The following MACF1 variants were observed in gnomAD, a reference collection of about 807,000 sequenced individuals.
MACF1 encodes the protein microtubule actin crosslinking factor 1.
MACF1 carries 193 observed loss-of-function variants against 854.8 expected under a neutral mutation model. The ratio of observed to expected loss-of-function variants is 0.23; its 90% CI spans 0.20 to 0.25. The LOEUF (loss-of-function observed/expected upper bound fraction) is 0.25, where lower values mean the gene tolerates loss of function less well. Among genes scored for constraint, MACF1 ranks in the 10% least tolerant of loss-of-function variants. The probability of loss-of-function intolerance (pLI) is 1.00; values close to 1 mark genes in which losing one functional copy is unlikely to be tolerated. For missense variants in MACF1, 7,722 were observed against 8,929.1 expected, an observed-to-expected ratio of 0.86 and a Z score of 5.45; for synonymous variants, 3,185 against 3,226.7, an observed-to-expected ratio of 0.99 and a Z score of 0.44.
At chr1:39,421,559 A>G (rs1406219359) in intron 58 of MACF1, among the ~76,000 whole-genome samples, 1 of 152,168 alleles carries the variant, frequency 6.6e-6, no homozygotes, top group African/African-American at 2.4e-5. Context: ...CATTTTTCAC[A>G]CTGTTAATAT....
At chr1:39,347,924 A>G (rs966056069) in intron 41 of MACF1, among the ~76,000 whole-genome samples, 3 of 152,176 alleles carry the variant, frequency 2.0e-5, no homozygotes, top group Non-Finnish European at 4.4e-5. Context: ...TCAACTCAAC[A>G]TAATTACATT....
intron 2 of MACF1, among the ~76,000 whole-genome samples, chr1:39,194,700 T>TC (rs1644299720): frequency 1.4e-4 from 5 of 35,778 alleles, no homozygotes; most frequent in East Asian, 9.2e-4. Context: ...TCCCCTCCCC[T>TC]CCCTTCCCTT....
chr1:39,416,692 A>T (rs893692961), intron 58 of MACF1, among the ~76,000 whole-genome samples: 9 of 152,186 alleles, frequency 5.9e-5, no homozygotes, highest in Admixed American at 5.2e-4. Flanking sequence ...CTATCCTTCC[A>T]GCTACAGGAG....
chr1:39,337,108 A>C, intron 37 of MACF1, 74 bp from the exon 38 acceptor site: 1 of 1,462,524 alleles, frequency 6.8e-7, no homozygotes, highest in Non-Finnish European at 9.2e-7. Context: ...TGTCTAACAA[A>C]AACCCCTGCC....
At chr1:39,321,874 T>A (rs780277280) in intron 31 of MACF1, among the ~76,000 whole-genome samples, 1 of 152,204 alleles carries the variant, frequency 6.6e-6, no homozygotes, top group Non-Finnish European at 1.5e-5. Context: ...AGAAGAGTGA[T>A]GTGGTCATCT....
At chr1:39,162,317 AATAG>A (rs1643816802) in intron 2 of MACF1, among the ~76,000 whole-genome samples, 2 of 152,108 alleles carry the variant, frequency 1.3e-5, no homozygotes, top group African/African-American at 4.8e-5. Context: ...CGCTTAAGTA[AATAG>A]ATAGATTAAA....
At chr1:39,413,096 G>T (rs1227140251) in intron 58 of MACF1, 4 of 1,605,396 alleles carry the variant, frequency 2.5e-6, no homozygotes, top group South Asian at 2.2e-5. Flanking sequence ...ACACAGGAGG[G>T]TATGTCAGCT....
At chr1:39,388,872 CTTTTTTTTTTTTTTT>C (rs548104092) in intron 58 of MACF1, among the ~76,000 whole-genome samples, 1 of 87,242 alleles carries the variant, frequency 1.1e-5, no homozygotes, top group Non-Finnish European at 2.1e-5. Flanking sequence ...TCTTCTTCTT[CTTTTTTTTTTTTTTT>C]TTTTTTTTTG....
chr1:39,331,190 TTTTTTTTTTTAG>T lies in MACF1; in HGVS notation c.4615-12_4615-1del. 1 of 1,141,776 alleles carries T rather than the reference TTTTTTTTTTTAG, an allele frequency of 8.8e-7. No homozygotes were observed. Among genetic ancestry groups the T allele is most frequent in the South Asian group, 2.3e-5 (1 of 43,568 alleles). 70.7% of individuals were successfully genotyped at this position (1,141,776 alleles called of 1,614,324 possible). A position where few individuals can be genotyped will look rare whatever the true frequency, so the allele number is the denominator to read the frequency against. ...TCTTTTCCTTTTTTTTTTTTTTTTTTTTTTTTTTTTAGGAATGCAGAGCAGTTGCTGGGGTGA... is the reference window on the plus strand; with the variant it reads ...TCTTTTCCTTTTTTTTTTTTTTTTTTGAATGCAGAGCAGTTGCTGGGGTGA... On this transcript the variant is annotated splice_acceptor_variant and splice_polypyrimidine_tract_variant and intron_variant, in intron 36 of 100. Coordinates refer to ENST00000564288, the MANE Select transcript of MACF1 (RefSeq NM_001394062.1). LOFTEE classifies it high-confidence loss of function.
chr1:39,193,361 ATTC>A (rs1644279895), intron 2 of MACF1, among the ~76,000 whole-genome samples: 1 of 152,100 alleles, frequency 6.6e-6, no homozygotes, highest in Admixed American at 6.6e-5. Flanking sequence ...TTGACTAGAT[ATTC>A]TTGTCCTTTC....
At chr1:39,413,187 T>G in intron 58 of MACF1, 1 of 1,613,456 alleles carries the variant, frequency 6.2e-7, no homozygotes, top group Non-Finnish European at 8.5e-7. Context: ...CAGAAGGGCC[T>G]GTCACCCCAG....
At chr1:39,323,883 A>T (rs1304171477) in intron 33 of MACF1, among the ~76,000 whole-genome samples, 1 of 152,220 alleles carries the variant, frequency 6.6e-6, no homozygotes, top group Non-Finnish European at 1.5e-5. Context: ...AATTATGAAA[A>T]TGAGTAAGAT....
chr1:39,436,426 T>C, intron 70 of MACF1: 3 of 1,605,374 alleles, frequency 1.9e-6, no homozygotes, highest in Non-Finnish European at 2.6e-6. Flanking sequence ...TGCCTGCTCC[T>C]GTCTTCCCCA....
chr1:39,389,822 C>T (rs1432563830), intron 58 of MACF1, among the ~76,000 whole-genome samples: 4 of 152,128 alleles, frequency 2.6e-5, no homozygotes, highest in African/African-American at 9.7e-5. Context: ...TAAAACATGA[C>T]ACTTCAAATA....
At chr1:39,467,782 G>A (rs748139765) in intron 95 of MACF1, 8 of 152,076 alleles carry the variant, frequency 5.3e-5, no homozygotes, top group Non-Finnish European at 1.0e-4. Context: ...CAAATACTTC[G>A]GGTTAATTCC....
intron 54 of MACF1, 91 bp downstream of exon 54, chr1:39,379,535 G>C: frequency 7.1e-7 from 1 of 1,416,894 alleles, no homozygotes; most frequent in South Asian, 1.4e-5. Flanking sequence ...CTGAGAGAGA[G>C]ACATGGGCAA....
At chr1:39,248,237 G>T (rs1454290891) in intron 2 of MACF1, among the ~76,000 whole-genome samples, 1 of 151,918 alleles carries the variant, frequency 6.6e-6, no homozygotes, top group Non-Finnish European at 1.5e-5. Context: ...CCGTTTCTTC[G>T]AGGAAGTCTT....
intron 5 of MACF1, 56 bp downstream of exon 5, chr1:39,254,431 T>G: frequency 6.7e-7 from 1 of 1,495,930 alleles, no homozygotes; most frequent in Non-Finnish European, 9.3e-7. Flanking sequence ...ATTGGGGCCC[T>G]ATTCAGAGAT....
intron 93 of MACF1, 25 bp downstream of exon 93, chr1:39,462,062 G>A (rs372515503): frequency 1.2e-6 from 2 of 1,611,224 alleles, no homozygotes; most frequent in African/African-American, 2.7e-5. Flanking sequence ...TATATTTTGA[G>A]TACACTTCTG....
Sources: allele counts gnomAD v4.1 joint callset (sites outside exome capture counted in the v4.1 genomes callset), GRCh38; gene constraint gnomAD v4.1.1; transcripts MANE v1.5; gene names NCBI Gene and HGNC (gene_info 2026-07-23, HGNC 2026-07-21).